The following RPF1 variants were observed in gnomAD, a reference collection of about 807,000 sequenced individuals.
RPF1 encodes ribosome production factor 1 homolog, also known as ribosome production factor 1.
In RPF1, 34 loss-of-function variants were observed where a neutral mutation model predicts 41.9. The observed-to-expected ratio is 0.81, with a 90% CI of 0.62 to 1.08. The LOEUF (loss-of-function observed/expected upper bound fraction) is 1.08, where lower values mean the gene tolerates loss of function less well. RPF1 is among the 50% of genes least tolerant of loss of function. RPF1 has a pLI of 0.00. For synonymous variants in RPF1, 140 were observed against 148.9 expected (o/e 0.94, Z 0.43); for missense variants, 425 against 435.2 (o/e 0.98, Z 0.21).
In RPF1 at chr1:84,479,407, C is replaced by G. The variant is rs1558536590; in HGVS notation, c.126C>G (p.Pro42=). The G allele has an allele frequency of 1.2e-6, 2 of 1,614,208 alleles. No individual in the cohort carries two copies. Among genetic ancestry groups the G allele is most frequent in the East Asian group, 2.2e-5 (1 of 44,886 alleles). ...GDGATENGVQ[P]PKAAAFPPGF... is the part of the protein sequence containing the mutation. Reference sequence around the variant, plus strand: ...GGGCGACGGAAAACGGGGTCCAACCCCCGAAAGCGGCTGCCTTTCCGCCAG... The same window carrying G: ...GGGCGACGGAAAACGGGGTCCAACCGCCGAAAGCGGCTGCCTTTCCGCCAG... Residue 42 remains proline (P), a synonymous_variant, in exon 1 of 9, where the codon CCC becomes CCG. Coordinates refer to ENST00000370654, the MANE Select transcript of RPF1 (RefSeq NM_025065.7).
chr1:84,497,694 G>A lies in RPF1; in HGVS notation c.*224G>A, dbSNP rs1681968254. On this transcript the variant is annotated 3_prime_UTR_variant, in exon 9 of 9. Coordinates refer to ENST00000370654, the MANE Select transcript of RPF1 (RefSeq NM_025065.7). Reference sequence around the variant, plus strand: ...AGGTTTCCTTAAACTTAGTTCTCTTGTTTTTGGGTAACTGTGAATAATTAA... The same window carrying A: ...AGGTTTCCTTAAACTTAGTTCTCTTATTTTTGGGTAACTGTGAATAATTAA... 7.4e-6 allele frequency: 3 copies of A among 404,442 alleles called. No homozygotes were observed. The highest frequency in any genetic ancestry group is 1.4e-5 in the Non-Finnish European group (3 of 221,562). The allele number at this position is 404,442 out of a possible 1,614,324, so 25.1% of individuals were successfully genotyped here. A position where few individuals can be genotyped will look rare whatever the true frequency, so the allele number is the denominator to read the frequency against.
rs766040177 is a variant in RPF1, at chr1:84,495,404, C to G, written c.648C>G (p.Gly216=). The change falls in exon 6 of 9, where the codon GGC becomes GGG. Residue 216 remains glycine (G), a synonymous_variant. Transcript: ENST00000370654. ...TTATTTTGAGTCACTTGCCAAATGG[C>G]CCAACTGCTCATTTTAAAATGAGCA... ...NGLILSHLPN[G]PTAHFKMSSV... The G allele has an allele frequency of 2.0e-6, 3 of 1,536,084 alleles. No homozygotes were observed. Among genetic ancestry groups the G allele is most frequent in the Admixed American group, 1.9e-5 (1 of 52,980 alleles).
At position 84,479,450 on chromosome 1, in the gene RPF1, A is replaced by AT; in HGVS notation, c.171dup (p.Lys58Ter). ...TCCGCCAGGCTTTAGCATTTCGGAG[A>AT]TTAAAAACAAACAGCGGCGACACTT... On this transcript the variant is annotated frameshift_variant, in exon 1 of 9. Transcript: ENST00000370654. LOFTEE classifies it high-confidence loss of function. The AT allele has an allele frequency of 6.2e-7, 1 of 1,614,230 alleles. No homozygotes were observed.
chr1:84,495,330 A>ATTC (rs756913838), intron 5 of RPF1, 43 bp from the exon 6 acceptor site: 5 of 889,136 alleles, frequency 5.6e-6, no homozygotes, highest in Non-Finnish European at 7.3e-6. Flanking sequence ...AATTAGATTT[A>ATTC]GATTACAGAG....
chr1:84,484,000 C>T (rs1396055746), intron 3 of RPF1, among the ~76,000 whole-genome samples: 1 of 152,044 alleles, frequency 6.6e-6, no homozygotes, highest in African/African-American at 2.4e-5. Flanking sequence ...TTCTACCCAC[C>T]CAGAGCTTAC....
chr1:84,489,765 A>AT, intron 4 of RPF1, 37 bp downstream of exon 4: 1 of 1,152,554 alleles, frequency 8.7e-7, no homozygotes, highest in Non-Finnish European at 1.3e-6. Flanking sequence ...TGAATTCTTA[A>AT]TTTTCTTATT....
intron 7 of RPF1, 37 bp from the exon 8 acceptor site, chr1:84,496,207 C>G: frequency 6.3e-7 from 1 of 1,580,888 alleles, no homozygotes; most frequent in East Asian, 2.2e-5. Flanking sequence ...TAAACAATAG[C>G]TCATTCAGAC....
In RPF1 at chr1:84,489,674, C is replaced by T; in HGVS notation, c.408C>T (p.Phe136=). The T allele has an allele frequency of 1.2e-6, 2 of 1,610,164 alleles. No individual in the cohort carries two copies. Among genetic ancestry groups the T allele is most frequent in the Non-Finnish European group, 1.7e-6 (2 of 1,176,612 alleles). ...CTACAGATGAATTTGCTTCTTACTT[C>T]AACAAACAGACTTCTCCCAAGATTC... The part of the protein sequence containing the change: ...DEATDEFASY[F]NKQTSPKILI... Residue 136 remains phenylalanine, a synonymous_variant, in exon 4 of 9, where the codon TTC becomes TTT. Coordinates refer to ENST00000370654, the MANE Select transcript of RPF1 (RefSeq NM_025065.7).
chr1:84,492,298 C>A (rs190700865), intron 5 of RPF1, among the ~76,000 whole-genome samples: 3 of 152,110 alleles, frequency 2.0e-5, no homozygotes, highest in South Asian at 2.1e-4. Context: ...AGGAACATGG[C>A]GTCTTTCTAA....
chr1:84,496,438 A>C (rs985590142), intron 8 of RPF1, 68 bp downstream of exon 8: 13 of 1,401,522 alleles, frequency 9.3e-6, no homozygotes, highest in African/African-American at 5.8e-5. Context: ...GGGAGGAGAG[A>C]GAGCATCAGG....
chr1:84,486,456 C>T (rs931848650), intron 3 of RPF1, among the ~76,000 whole-genome samples: 5 of 151,668 alleles, frequency 3.3e-5, no homozygotes, highest in African/African-American at 7.3e-5. Context: ...GGTGTGGTGG[C>T]GGGCACCTGT....
intron 3 of RPF1, among the ~76,000 whole-genome samples, chr1:84,484,139 G>T (rs1340353742): frequency 6.6e-6 from 1 of 152,200 alleles, no homozygotes; most frequent in African/African-American, 2.4e-5. Flanking sequence ...GAGAGGGTTT[G>T]CAATTTTATG....
chr1:84,495,457 T>C lies in RPF1; in HGVS notation c.699+2T>C, dbSNP rs140060922. On this transcript the variant is annotated splice_donor_variant, in intron 6 of 8. Coordinates refer to ENST00000370654, the MANE Select transcript of RPF1 (RefSeq NM_025065.7). LOFTEE classifies it high-confidence loss of function. ...GTTCGTCTTCGTAAAGAAATTAAGG[T>C]AAGTTTTATACATTTCTTTGATTGG... The C allele has an allele frequency of 1.7e-5, 22 of 1,285,784 alleles. No homozygotes were observed. Among genetic ancestry groups the C allele is most frequent in the African/African-American group, 4.5e-5 (3 of 67,194 alleles). The allele number at this position is 1,285,784 out of a possible 1,614,324, so 79.6% of individuals were successfully genotyped here.
At position 84,490,418 on chromosome 1, in the gene RPF1, A is replaced by G. The variant is rs925560972; in HGVS notation, c.562A>G (p.Ile188Val). The G allele has an allele frequency of 2.4e-5, 39 of 1,610,940 alleles. No individual in the cohort carries two copies. Among genetic ancestry groups the G allele is most frequent in the Non-Finnish European group, 3.1e-5 (37 of 1,178,780 alleles). The change falls in exon 5 of 9, where the codon ATC (isoleucine) becomes GTC (valine). Residue 188 changes from isoleucine (I) to valine (V), a missense_variant. Coordinates refer to ENST00000370654, the MANE Select transcript of RPF1 (RefSeq NM_025065.7). ...TCTGAAAAAAATTATTCCACAGTGC[A>G]TCGCAAGAGATTTCACAGACCTGAT... ...LALKKIIPQCIARDFTDLIVI... is the reference protein window; with the variant it reads ...LALKKIIPQCVARDFTDLIVI...
chr1:84,490,044 A>T (rs1681804588), intron 4 of RPF1, among the ~76,000 whole-genome samples: 1 of 152,124 alleles, frequency 6.6e-6, no homozygotes, highest in African/African-American at 2.4e-5. Context: ...ACCACACACC[A>T]CTACCACTAC....
intron 2 of RPF1, among the ~76,000 whole-genome samples, chr1:84,481,705 C>T (rs1030255346): frequency 1.3e-5 from 2 of 152,124 alleles, no homozygotes; most frequent in East Asian, 1.9e-4. Flanking sequence ...ACTAAATGCT[C>T]ATACATTATT....
intron 5 of RPF1, among the ~76,000 whole-genome samples, chr1:84,491,665 C>T (rs1414799138): frequency 2.6e-5 from 4 of 152,126 alleles, no homozygotes; most frequent in Admixed American, 1.3e-4. Context: ...TTTTTTTAAA[C>T]TGCCTCCACA....
intron 5 of RPF1, among the ~76,000 whole-genome samples, 200 bp from the exon 6 acceptor site, chr1:84,495,173 G>A (rs1016673210): frequency 2.6e-5 from 4 of 152,152 alleles, no homozygotes; most frequent in Admixed American, 6.5e-5. Flanking sequence ...ACTACTCTAG[G>A]TTAGTCTATA....
At chr1:84,480,434 A>G (rs1347832012) in intron 1 of RPF1, among the ~76,000 whole-genome samples, 2 of 152,234 alleles carry the variant, frequency 1.3e-5, no homozygotes, top group Non-Finnish European at 1.5e-5. Flanking sequence ...ACAAATACAG[A>G]TAATCTTAAG....
Sources: allele counts gnomAD v4.1 joint callset (sites outside exome capture counted in the v4.1 genomes callset), GRCh38; gene constraint gnomAD v4.1.1; transcripts MANE v1.5; gene names NCBI Gene and HGNC (gene_info 2026-07-23, HGNC 2026-07-21).